Variants in FAT3 observed in about 807,000 individuals in gnomAD.
FAT3 encodes the protein protocadherin Fat 3.
FAT3 carries 95 observed loss-of-function variants against 310.2 expected under a neutral mutation model. That is an observed-to-expected ratio of 0.31 (90% CI 0.26 to 0.36). The LOEUF (loss-of-function observed/expected upper bound fraction) is 0.36. FAT3 is among the 10% of genes least tolerant of loss of function. FAT3 has a pLI of 1.00. For missense variants in FAT3, 5,408 were observed against 5,715.6 expected, an observed-to-expected ratio of 0.95 and a Z score of 1.74; for synonymous variants, 2,314 against 2,192.9, an observed-to-expected ratio of 1.06 and a Z score of -1.54.
At chr11:92,764,833 A>G (rs1380145822) in intron 5 of FAT3, 46 bp from the exon 6 acceptor site, 2 of 1,569,132 alleles carry the variant, frequency 1.3e-6, no homozygotes, top group Non-Finnish European at 1.7e-6. Flanking sequence ...ACTCTACAAC[A>G]ATCAGAGGTC....
chr11:92,524,441 A>G (rs998740729), intron 2 of FAT3, among the ~76,000 whole-genome samples, 193 bp from the exon 3 acceptor site: 1 of 152,216 alleles, frequency 6.6e-6, no homozygotes, highest in African/African-American at 2.4e-5. Context: ...AAACAGTAGA[A>G]GAACTATTTA....
intron 2 of FAT3, among the ~76,000 whole-genome samples, chr11:92,513,193 T>C (rs572222957): frequency 1.3e-5 from 2 of 152,260 alleles, no homozygotes; most frequent in South Asian, 4.1e-4. Flanking sequence ...TTTCAATTTG[T>C]TTCAGCTGTG....
chr11:92,556,815 C>T (rs1002851660), intron 3 of FAT3, among the ~76,000 whole-genome samples: 8 of 152,072 alleles, frequency 5.3e-5, no homozygotes, highest in East Asian at 3.9e-4. Flanking sequence ...TATTATTCCT[C>T]GAAAATGCTC....
chr11:92,776,715 G>A (rs897771177), intron 7 of FAT3, among the ~76,000 whole-genome samples: 1 of 152,166 alleles, frequency 6.6e-6, no homozygotes, highest in African/African-American at 2.4e-5. Context: ...GCCAAGATAA[G>A]GAAGTTAATG....
At position 92,548,702 on chromosome 11, in the gene FAT3, C is replaced by A. The variant is rs189280615; in HGVS notation, c.3607+23754C>A. On this transcript the variant is annotated intron_variant, in intron 3 of 27. Coordinates refer to ENST00000525166, the MANE Select transcript of FAT3 (RefSeq NM_001367949.2). ...ATAGCAGTGTAACTTTTATGAATCA[C>A]CTCAGTAAAAGATCTTTCTGAAAAA... Among the ~76,000 whole-genome samples the A allele has an allele frequency of 3.9e-4, 59 of 152,284 alleles. No individual in the cohort carries two copies. The East Asian group carries it at 0.011, about 27-fold the overall frequency.
intron 3 of FAT3, among the ~76,000 whole-genome samples, chr11:92,659,512 C>T (rs1236870498): frequency 6.6e-6 from 1 of 152,144 alleles, no homozygotes; most frequent in East Asian, 1.9e-4. Flanking sequence ...TATGCATGCT[C>T]ACAAATATTA....
At chr11:92,469,744 T>C (rs1324263478) in intron 2 of FAT3, among the ~76,000 whole-genome samples, 1 of 152,048 alleles carries the variant, frequency 6.6e-6, no homozygotes, top group Non-Finnish European at 1.5e-5. Context: ...CTCAAACTCC[T>C]GACCTCATGA....
At position 92,352,521 on chromosome 11, in the gene FAT3, G is replaced by A. The variant is rs1378534039; in HGVS notation, c.409G>A (p.Asp137Asn). The change falls in exon 2 of 28, where the codon GAT becomes AAT. Residue 137 changes from aspartate (D) to asparagine (N), a missense_variant. Asp to Asn is a conservative substitution (Grantham distance 23). Transcript: ENST00000525166. ...AGTAAAAGGTTCTGTCAGAGGAGAG[G>A]ATTTGGAAGCATGGACCAAAGTGAA... is the stretch of plus-strand genomic sequence containing the variant. ...LIVKGSVRGE[D>N]LEAWTKVNIQ... 2 of 1,613,486 alleles carry A rather than the reference G, an allele frequency of 1.2e-6. No homozygotes were observed. The highest frequency in any genetic ancestry group is 1.7e-4 in the Middle Eastern group (1 of 6,056).
intron 2 of FAT3, among the ~76,000 whole-genome samples, chr11:92,420,682 C>T (rs540709584): frequency 6.6e-6 from 1 of 152,254 alleles, no homozygotes; most frequent in East Asian, 1.9e-4. Flanking sequence ...CATCTTGACT[C>T]AGTAAATCTT....
chr11:92,833,198 C>A (rs1038677654), intron 14 of FAT3, among the ~76,000 whole-genome samples: 3 of 152,146 alleles, frequency 2.0e-5, no homozygotes, highest in African/African-American at 7.2e-5. Context: ...TATCCCAAAG[C>A]CCTTTGGTGA....
Position 92,764,880 on chromosome 11 carries a change from T to C in FAT3, c.3986T>C (p.Ile1329Thr), listed in dbSNP as rs1300518413. ...FTAGSYDILT[I>T]KAVDNGRPQK... ...TCTCTTCTCTCCCTGTGTGAGTAGA[T>C]AAAGGCAGTGGACAATGGGCGCCCA... Residue 1329 changes from isoleucine (I) to threonine (T), a missense_variant and splice_region_variant, in exon 6 of 28, where the codon ATA (isoleucine) becomes ACA (threonine). Ile to Thr is a moderately conservative substitution (Grantham distance 89). Transcript: ENST00000525166. 1 of 1,613,298 alleles carries C rather than the reference T, an allele frequency of 6.2e-7. No homozygotes were observed. Among genetic ancestry groups the C allele is most frequent in the African/African-American group, 1.3e-5 (1 of 74,984 alleles).
At chr11:92,262,922 G>A (rs1383884165) in intron 1 of FAT3, among the ~76,000 whole-genome samples, 3 of 151,956 alleles carry the variant, frequency 2.0e-5, no homozygotes, top group Non-Finnish European at 2.9e-5. Context: ...TGTCGTCAAG[G>A]TGGCTACCGA....
At chr11:92,319,117 G>A (rs1947542801) in intron 1 of FAT3, among the ~76,000 whole-genome samples, 1 of 152,128 alleles carries the variant, frequency 6.6e-6, no homozygotes, top group African/African-American at 2.4e-5. Context: ...GTGATTATTG[G>A]ACATCTCTAT....
chr11:92,666,452 C>T (rs1184703876), intron 3 of FAT3, among the ~76,000 whole-genome samples: 8 of 150,550 alleles, frequency 5.3e-5, no homozygotes, highest in South Asian at 4.2e-4. Flanking sequence ...CCCGGGTTCA[C>T]GCCATTCTCC....
At chr11:92,637,538 T>G (rs1336368247) in intron 3 of FAT3, among the ~76,000 whole-genome samples, 1 of 152,210 alleles carries the variant, frequency 6.6e-6, no homozygotes, top group African/African-American at 2.4e-5. Flanking sequence ...TCTCTGTCAT[T>G]AATGGCACTG....
intron 3 of FAT3, among the ~76,000 whole-genome samples, chr11:92,561,817 G>A (rs558656990): frequency 1.3e-5 from 2 of 151,954 alleles, no homozygotes; most frequent in African/African-American, 4.8e-5. Flanking sequence ...GTAGAGACAG[G>A]GTTTCATCAT....
At chr11:92,339,759 A>G (rs1483240491) in intron 1 of FAT3, among the ~76,000 whole-genome samples, 2 of 152,064 alleles carry the variant, frequency 1.3e-5, no homozygotes, top group East Asian at 1.9e-4. Context: ...GACCTGCTCT[A>G]CTAGGATCAA....
intron 21 of FAT3, among the ~76,000 whole-genome samples, chr11:92,864,780 G>T (rs781256788): frequency 6.6e-6 from 1 of 152,106 alleles, no homozygotes; most frequent in Non-Finnish European, 1.5e-5. Context: ...TCATGCCACT[G>T]CACTCCAGCC....
At chr11:92,604,922 T>G (rs1236068439) in intron 3 of FAT3, among the ~76,000 whole-genome samples, 1 of 152,238 alleles carries the variant, frequency 6.6e-6, no homozygotes, top group African/African-American at 2.4e-5. Flanking sequence ...TTGAGTTATG[T>G]TTCCTCATCT....
Sources: allele counts gnomAD v4.1 joint callset (sites outside exome capture counted in the v4.1 genomes callset), GRCh38; gene constraint gnomAD v4.1.1; transcripts MANE v1.5; gene names NCBI Gene and HGNC (gene_info 2026-07-23, HGNC 2026-07-21).